The following DPP6 variants were observed in gnomAD, a reference collection of about 807,000 sequenced individuals.
DPP6 encodes the protein dipeptidyl peptidase like 6, also known as A-type potassium channel modulatory protein DPP6.
A neutral mutation model predicts 122.6 loss-of-function variants in DPP6; 69 were observed. That is an observed-to-expected ratio of 0.56 (90% confidence interval 0.46 to 0.69). The LOEUF is 0.69. Among genes scored for constraint, DPP6 ranks in the 30% least tolerant of loss-of-function variants. The pLI, the probability that DPP6 is intolerant of heterozygous loss-of-function variation, is 0.00. For synonymous variants in DPP6, 418 were observed against 433.1 expected (o/e 0.97, Z 0.43); for missense variants, 928 against 1,116.9 (o/e 0.83, Z 2.41).
intron 8 of DPP6, among the ~76,000 whole-genome samples, chr7:154,734,148 C>A: frequency 6.6e-6 from 1 of 152,252 alleles, no homozygotes; most frequent in Admixed American, 6.5e-5. Flanking sequence ...ACATTAATGA[C>A]ACTTATGCTA....
intron 3 of DPP6, among the ~76,000 whole-genome samples, chr7:154,476,774 A>C (rs1371867278): frequency 1.3e-5 from 2 of 152,210 alleles, no homozygotes; most frequent in African/African-American, 4.8e-5. Flanking sequence ...TTACAAAAAC[A>C]AAACAAAACA....
the DPP6 span, among the ~76,000 whole-genome samples, chr7:153,823,431 T>G: frequency 6.9e-6 from 1 of 145,642 alleles, no homozygotes; most frequent in African/African-American, 2.5e-5. Context: ...GTGCGAGCTC[T>G]AAGCGGGGGG....
At chr7:153,812,431 G>A in the DPP6 span, among the ~76,000 whole-genome samples, 1 of 151,912 alleles carries the variant, frequency 6.6e-6, no homozygotes, top group South Asian at 2.1e-4. Flanking sequence ...ATGTTTCTGG[G>A]TATTCTGTCT....
intron 1 of DPP6, among the ~76,000 whole-genome samples, chr7:153,996,351 C>T (rs1001925915): frequency 1.3e-5 from 2 of 152,170 alleles, no homozygotes; most frequent in African/African-American, 4.8e-5. Context: ...CAACCAGTTC[C>T]TCCTGTCTTA....
chr7:154,081,781 G>A (rs1804032839), intron 1 of DPP6, among the ~76,000 whole-genome samples: 1 of 151,514 alleles, frequency 6.6e-6, no homozygotes, highest in Non-Finnish European at 1.5e-5. Flanking sequence ...AATTGTAAAA[G>A]GGAACGTGTC....
intron 1 of DPP6, among the ~76,000 whole-genome samples, chr7:154,406,478 TACACAC>T (rs35978383): frequency 1.4e-5 from 2 of 146,718 alleles, no homozygotes; most frequent in East Asian, 2.0e-4. Context: ...CGCACACGCA[TACACAC>T]ACACACATGC....
chr7:153,761,744 C>T, the DPP6 span, among the ~76,000 whole-genome samples: 1 of 152,214 alleles, frequency 6.6e-6, no homozygotes, highest in Admixed American at 6.5e-5. Context: ...CTTCCTTCAA[C>T]CCACGTTATC....
chr7:154,733,101 A>C (rs2131382542), intron 8 of DPP6, among the ~76,000 whole-genome samples: 1 of 152,226 alleles, frequency 6.6e-6, no homozygotes, highest in African/African-American at 2.4e-5. Context: ...GGTTCCACCT[A>C]CCTGGGAGCC....
chr7:154,329,088 C>A (rs1808695118), intron 1 of DPP6, among the ~76,000 whole-genome samples: 1 of 152,208 alleles, frequency 6.6e-6, no homozygotes, highest in South Asian at 2.1e-4. Context: ...CCCTACTTAT[C>A]TCTTAAGGAA....
intron 1 of DPP6, among the ~76,000 whole-genome samples, chr7:154,359,880 A>C (rs73493290): frequency 0.029 from 4,362 of 152,250 alleles, 199 homozygotes; most frequent in African/African-American, 0.1. Context: ...GGGAAGTATA[A>C]ATGTCTGCAT....
At chr7:153,903,362 G>C (rs1164832080) in intron 1 of DPP6, among the ~76,000 whole-genome samples, 4 of 152,192 alleles carry the variant, frequency 2.6e-5, no homozygotes, top group Non-Finnish European at 5.9e-5. Flanking sequence ...TTTATTCACT[G>C]CTTAGCAATG....
intron 7 of DPP6, among the ~76,000 whole-genome samples, chr7:154,677,454 A>T (rs1004028688): frequency 2.6e-5 from 4 of 152,210 alleles, no homozygotes; most frequent in Non-Finnish European, 5.9e-5. Flanking sequence ...AATAAAAATA[A>T]TTTTTTAAAG....
At chr7:154,167,023 TG>T (rs1247873177) in intron 1 of DPP6, among the ~76,000 whole-genome samples, 8 of 149,408 alleles carry the variant, frequency 5.4e-5, no homozygotes, top group African/African-American at 2.0e-4. Flanking sequence ...TAAGTATGTG[TG>T]GGGCTCATGT....
chr7:154,045,962 CATGCATT>C, intron 1 of DPP6, among the ~76,000 whole-genome samples: 1 of 151,974 alleles, frequency 6.6e-6, no homozygotes, highest in East Asian at 1.9e-4. Flanking sequence ...GCCATTTTTT[CATGCATT>C]GATTTGGCTT....
rs2533637 is a variant in DPP6 at position 154,110,641 on chromosome 7, A to G, written c.243+57578A>G. 3.4e-3 allele frequency among the ~76,000 whole-genome samples: 513 copies of G among 152,124 alleles called. 3 individuals carry two copies. The highest frequency in any genetic ancestry group is 0.012 in the African/African-American group (497 of 41,444). ...GGGATGGAGGCTTTGGCAATGTTGA[A>G]TGGGTTTTCCACAGGAACAGCCAGC... On this transcript the variant is annotated intron_variant, in intron 1 of 25. Transcript: ENST00000377770.
chr7:153,801,011 A>T, the DPP6 span, among the ~76,000 whole-genome samples: 53 of 151,902 alleles, frequency 3.5e-4, no homozygotes, highest in Middle Eastern at 3.2e-3. Context: ...TCAATTTTTT[A>T]AATTATTTTC....
intron 1 of DPP6, among the ~76,000 whole-genome samples, chr7:154,190,669 G>A (rs1219053162): frequency 6.6e-6 from 1 of 152,124 alleles, no homozygotes; most frequent in East Asian, 1.9e-4. Context: ...TGATTACGCA[G>A]ATGGATGGGT....
intron 16 of DPP6, among the ~76,000 whole-genome samples, chr7:154,828,930 C>T (rs1181677495): frequency 6.6e-6 from 1 of 152,076 alleles, no homozygotes; most frequent in African/African-American, 2.4e-5. Flanking sequence ...ATTTACAGTG[C>T]CCTGAACATC....
chr7:153,854,478 C>A, the DPP6 span, among the ~76,000 whole-genome samples: 1 of 149,156 alleles, frequency 6.7e-6, no homozygotes, highest in Non-Finnish European at 1.5e-5. Context: ...CCAAAAGACA[C>A]ATGAAAAAAT....
Sources: allele counts gnomAD v4.1 joint callset (sites outside exome capture counted in the v4.1 genomes callset), GRCh38; gene constraint gnomAD v4.1.1; transcripts MANE v1.5; gene names NCBI Gene and HGNC (gene_info 2026-07-23, HGNC 2026-07-21).